RTN4RL1: variants seen among roughly 807,000 people sequenced by gnomAD.
RTN4RL1 encodes reticulon-4 receptor-like 1.
Under a neutral mutation model 25.6 loss-of-function variants are expected in RTN4RL1, and 7 were observed. The ratio of observed to expected loss-of-function variants is 0.27; its 90% CI spans 0.16 to 0.51. The LOEUF is 0.51. Among genes scored for constraint, RTN4RL1 ranks in the 20% least tolerant of loss-of-function variants. The pLI, the probability that RTN4RL1 is intolerant of heterozygous loss-of-function variation, is 0.97. For synonymous variants in RTN4RL1, 297 were observed against 288.2 expected, an observed-to-expected ratio of 1.03 and a Z score of -0.31; for missense variants, 500 against 615.6, an observed-to-expected ratio of 0.81 and a Z score of 1.99.
intron 1 of RTN4RL1, among the ~76,000 whole-genome samples, chr17:1,991,467 A>C (rs984929184): frequency 4.0e-5 from 6 of 151,498 alleles, no homozygotes; most frequent in Non-Finnish European, 7.4e-5. Context: ...AAAAAAACAA[A>C]AAAAAACTTC....
chr17:2,014,020 G>C (rs4790307), intron 1 of RTN4RL1, among the ~76,000 whole-genome samples: 52,920 of 152,140 alleles, frequency 0.35, 9,549 homozygotes, highest in East Asian at 0.55. Flanking sequence ...CTCTCACTCA[G>C]TTCCTGGCAT....
At chr17:1,985,523 T>C (rs1278257475) in intron 1 of RTN4RL1, among the ~76,000 whole-genome samples, 3 of 152,228 alleles carry the variant, frequency 2.0e-5, no homozygotes, top group Non-Finnish European at 4.4e-5. Flanking sequence ...TGGACACTTA[T>C]GCACGGAGGA....
intron 1 of RTN4RL1, among the ~76,000 whole-genome samples, chr17:1,945,169 G>C (rs1285588136): frequency 6.6e-6 from 1 of 152,178 alleles, no homozygotes; most frequent in East Asian, 1.9e-4. Context: ...AGCTGTCCCT[G>C]CCTCTTCCTC....
chr17:2,008,704 C>T (rs72809519), intron 1 of RTN4RL1, among the ~76,000 whole-genome samples: 29,881 of 151,956 alleles, frequency 0.2, 3,692 homozygotes, highest in East Asian at 0.42. Context: ...GATCTGCCAC[C>T]GATCCGTGGC....
chr17:1,967,648 C>CT (rs995450892), intron 1 of RTN4RL1, among the ~76,000 whole-genome samples: 254 of 147,210 alleles, frequency 1.7e-3, no homozygotes, highest in South Asian at 3.9e-3. Context: ...CTCTCTCTTT[C>CT]TTTTTTTTTT....
chr17:2,018,342 C>A (rs2067153719), intron 1 of RTN4RL1, among the ~76,000 whole-genome samples: 8 of 152,180 alleles, frequency 5.3e-5, no homozygotes, highest in Admixed American at 5.2e-4. Flanking sequence ...ATCTCTGTCC[C>A]CAAGGAAGAA....
chr17:1,953,459 G>A (rs1454567038), intron 1 of RTN4RL1, among the ~76,000 whole-genome samples: 1 of 152,072 alleles, frequency 6.6e-6, no homozygotes, highest in Non-Finnish European at 1.5e-5. Flanking sequence ...TGTAAATGAT[G>A]AGTTAATGGG....
At chr17:1,987,834 G>A (rs759805241) in intron 1 of RTN4RL1, among the ~76,000 whole-genome samples, 5 of 152,082 alleles carry the variant, frequency 3.3e-5, no homozygotes, top group African/African-American at 9.7e-5. Context: ...TGCTGGGTGC[G>A]GTAGCTCACG....
At chr17:1,979,805 A>C (rs1019009262) in intron 1 of RTN4RL1, among the ~76,000 whole-genome samples, 2 of 151,996 alleles carry the variant, frequency 1.3e-5, no homozygotes, top group East Asian at 1.9e-4. Flanking sequence ...GCACCTCCCC[A>C]CCCCTTCCCT....
intron 1 of RTN4RL1, among the ~76,000 whole-genome samples, chr17:1,950,993 C>T (rs1162904617): frequency 2.6e-5 from 4 of 151,390 alleles, no homozygotes; most frequent in East Asian, 2.0e-4. Flanking sequence ...TGGCTGGGCG[C>T]GGTGGCTCAC....
Position 1,937,323 on chromosome 17 carries a change from C to T in RTN4RL1, c.499G>A (p.Asp167Asn), listed in dbSNP as rs375946051. ...QDNHIEYLQD[D>N]IFVDLVNLSH... The stretch of plus-strand genomic sequence containing the variant: ...AGGTTGACCAGGTCCACGAAGATGT[C>T]GTCCTGGAGGTACTCGATGTGGTTG... Residue 167 changes from aspartate to asparagine, a missense_variant, in exon 2 of 2, where the codon GAC (aspartate) becomes AAC (asparagine). Asp to Asn is a conservative substitution (Grantham distance 23). Coordinates refer to ENST00000331238, the MANE Select transcript of RTN4RL1 (RefSeq NM_178568.4). 36 of 1,613,432 alleles carry T rather than the reference C, an allele frequency of 2.2e-5. No individual in the cohort carries two copies. The highest frequency in any genetic ancestry group is 9.3e-5 in the African/African-American group (7 of 74,918).
intron 1 of RTN4RL1, among the ~76,000 whole-genome samples, chr17:1,997,280 G>A (rs865880954): frequency 4.6e-5 from 7 of 152,124 alleles, no homozygotes; most frequent in African/African-American, 1.4e-4. Flanking sequence ...CTGCCTCTGG[G>A]CCTTTGCACT....
intron 1 of RTN4RL1, among the ~76,000 whole-genome samples, chr17:1,967,409 C>T (rs1209324527): frequency 6.6e-6 from 1 of 152,064 alleles, no homozygotes; most frequent in East Asian, 1.9e-4. Flanking sequence ...CACGCCTCGC[C>T]GTCTGTCTGT....
chr17:2,016,605 G>T (rs372638229), intron 1 of RTN4RL1, among the ~76,000 whole-genome samples: 8 of 152,374 alleles, frequency 5.3e-5, no homozygotes, highest in African/African-American at 1.9e-4. Flanking sequence ...AGCCAGGGTT[G>T]CATACAGGGC....
intron 1 of RTN4RL1, among the ~76,000 whole-genome samples, chr17:2,017,401 C>A (rs1009737751): frequency 1.1e-4 from 17 of 152,342 alleles, no homozygotes; most frequent in African/African-American, 4.1e-4. Context: ...TGTCACGAGT[C>A]GTGCCCACCC....
At chr17:1,957,159 C>T (rs531158198) in intron 1 of RTN4RL1, among the ~76,000 whole-genome samples, 11 of 152,342 alleles carry the variant, frequency 7.2e-5, no homozygotes, top group African/African-American at 2.4e-4. Flanking sequence ...GTTCAAATAC[C>T]TGATCCTTTC....
At position 1,936,463 on chromosome 17, in the gene RTN4RL1, T is replaced by C; in HGVS notation, c.*33A>G. The stretch of plus-strand genomic sequence containing the variant: ...AATAAATTCTGTTCCTTGGTGGACA[T>C]GTGGCAGTGCTGGGTGCTGACGCCC... On this transcript the variant is annotated 3_prime_UTR_variant, in exon 2 of 2. Coordinates refer to ENST00000331238, the MANE Select transcript of RTN4RL1 (RefSeq NM_178568.4). 1.3e-6 allele frequency: 2 copies of C among 1,507,746 alleles called. No homozygotes were observed. Among genetic ancestry groups the C allele is most frequent in the Non-Finnish European group, 8.8e-7 (1 of 1,136,464 alleles). The allele number at this position is 1,507,746 out of a possible 1,614,324, so 93.4% of individuals were successfully genotyped here.
intron 1 of RTN4RL1, among the ~76,000 whole-genome samples, chr17:1,956,733 G>A (rs571622637): frequency 1.4e-5 from 2 of 140,894 alleles, no homozygotes; most frequent in Non-Finnish European, 3.1e-5. Context: ...CATACCTGTC[G>A]GGAACTTTTT....
intron 1 of RTN4RL1, among the ~76,000 whole-genome samples, chr17:1,999,093 A>ACCAC (rs1398796107): frequency 8.2e-5 from 3 of 36,546 alleles, no homozygotes; most frequent in Non-Finnish European, 1.5e-4. Flanking sequence ...CACATGCGCG[A>ACCAC]TCACACACAC....
Sources: allele counts gnomAD v4.1 joint callset (sites outside exome capture counted in the v4.1 genomes callset), GRCh38; gene constraint gnomAD v4.1.1; transcripts MANE v1.5; gene names NCBI Gene and HGNC (gene_info 2026-07-23, HGNC 2026-07-21).